CYFIP2: variants seen among roughly 807,000 people sequenced by gnomAD.
CYFIP2 encodes the protein cytoplasmic FMR1 interacting protein 2.
A neutral mutation model predicts 158.7 loss-of-function variants in CYFIP2; 29 were observed. That is an observed-to-expected ratio of 0.18 (90% CI 0.14 to 0.25). The LOEUF is 0.25. CYFIP2 is among the 10% of genes least tolerant of loss of function. CYFIP2 has a pLI of 1.00. For synonymous variants in CYFIP2, 585 were observed against 617.6 expected (o/e 0.95, Z 0.78); for missense variants, 852 against 1,639.5 (o/e 0.52, Z 8.29).
intron 28 of CYFIP2, among the ~76,000 whole-genome samples, 192 bp from the exon 29 acceptor site, chr5:157,388,997 A>T (rs1187275209): frequency 6.6e-6 from 1 of 152,240 alleles, no homozygotes; most frequent in Non-Finnish European, 1.5e-5. Flanking sequence ...ACTTAACACC[A>T]GTAAGACTTA....
intron 1 of CYFIP2, among the ~76,000 whole-genome samples, chr5:157,271,750 C>G (rs558213411): frequency 1.3e-5 from 2 of 152,196 alleles, no homozygotes; most frequent in Non-Finnish European, 2.9e-5. Context: ...TGTCTTCATA[C>G]TGAGCCATGT....
intron 1 of CYFIP2, among the ~76,000 whole-genome samples, chr5:157,270,091 G>A (rs1208116962): frequency 1.3e-5 from 2 of 152,146 alleles, no homozygotes; most frequent in Non-Finnish European, 2.9e-5. Flanking sequence ...ATAGACTTTG[G>A]GCAACTCAGA....
At chr5:157,274,093 G>A (rs915906901) in intron 1 of CYFIP2, among the ~76,000 whole-genome samples, 3 of 146,672 alleles carry the variant, frequency 2.0e-5, no homozygotes, top group African/African-American at 7.6e-5. Flanking sequence ...TCATGCCATT[G>A]CACTCCAGCC....
rs1375048757 is a variant in CYFIP2 at position 157,359,081 on chromosome 5, G to T, written c.2750G>T (p.Cys917Phe). The T allele has an allele frequency of 6.2e-7, 1 of 1,613,992 alleles. No individual in the cohort carries two copies. Among genetic ancestry groups the T allele is most frequent in the South Asian group, 1.1e-5 (1 of 91,074 alleles). ...FVGPPHFKTI[C>F]RLLGYQGIAV... ...GGGCCACCTCATTTCAAGACTATCT[G>T]CAGACTCCTGGGTTATCAGGGCATC... Residue 917 changes from cysteine to phenylalanine, a missense_variant, in exon 24 of 31, where the codon TGC becomes TTC. By Grantham distance (205) the Cys-to-Phe change is radical. Coordinates refer to ENST00000620254, the MANE Select transcript of CYFIP2 (RefSeq NM_001037333.3).
At chr5:157,283,016 A>G (rs10040318) in intron 1 of CYFIP2, among the ~76,000 whole-genome samples, 14,438 of 152,256 alleles carry the variant, frequency 0.095, 758 homozygotes, top group Middle Eastern at 0.15. Flanking sequence ...TTGGTATGAA[A>G]TAAACCTCCA....
intron 23 of CYFIP2, among the ~76,000 whole-genome samples, chr5:157,345,106 GT>G (rs1201208035): frequency 6.6e-6 from 1 of 152,198 alleles, no homozygotes; most frequent in Non-Finnish European, 1.5e-5. Flanking sequence ...GAGACCGAAT[GT>G]TTATGTTTCC....
rs1164383219 is a variant in CYFIP2, at chr5:157,361,616, A to G, written c.3039+18A>G. ...AAGCTCTGGTAAGTCCAGAGCCCAA[A>G]GGAAGTGGGGTGTCTCCAGGTTGGA... On this transcript the variant is annotated intron_variant, in intron 26 of 30. Transcript: ENST00000620254. This position sits in a 1 kb window ranked among gnomAD's most constrained non-coding sequence, Gnocchi z 4.4. The G allele has an allele frequency of 7.4e-6, 12 of 1,613,592 alleles. No individual in the cohort carries two copies. The highest frequency in any genetic ancestry group is 1.0e-5 in the Non-Finnish European group (12 of 1,179,706).
At chr5:157,282,211 G>C (rs1460692041) in intron 1 of CYFIP2, among the ~76,000 whole-genome samples, 4 of 152,216 alleles carry the variant, frequency 2.6e-5, no homozygotes, top group African/African-American at 7.2e-5. Context: ...TCAGCTTCTG[G>C]GGAGGCCACA....
chr5:157,279,532 G>C (rs982313899), intron 1 of CYFIP2, among the ~76,000 whole-genome samples: 8 of 152,174 alleles, frequency 5.3e-5, no homozygotes, highest in Non-Finnish European at 1.5e-5. Context: ...CTTGGGGTCT[G>C]TCAGTCATGT....
chr5:157,298,829 G>A (rs1274319476), intron 5 of CYFIP2, among the ~76,000 whole-genome samples: 1 of 152,120 alleles, frequency 6.6e-6, no homozygotes, highest in African/African-American at 2.4e-5. Context: ...GTGGTCTTTT[G>A]TGTCCATCTG....
At chr5:157,379,742 A>G (rs1261295893) in intron 26 of CYFIP2, among the ~76,000 whole-genome samples, 1 of 150,654 alleles carries the variant, frequency 6.6e-6, no homozygotes, top group East Asian at 2.0e-4. Context: ...TCAAATATTT[A>G]AGGAGGAAAT....
rs574540099 is a variant in CYFIP2 at position 157,309,982 on chromosome 5, G to A, written c.992+148G>A. The A allele has an allele frequency of 1.2e-4, 92 of 748,514 alleles. No individual in the cohort carries two copies. The East Asian group carries it at 2.2e-3, about 18-fold the overall frequency. The allele number at this position is 748,514 out of a possible 1,614,324, so 46.4% of individuals were successfully genotyped here. A position where few individuals can be genotyped will look rare whatever the true frequency, so the allele number is the denominator to read the frequency against. On this transcript the variant is annotated intron_variant, in intron 10 of 30. Transcript: ENST00000620254. ...CACAGGTGCCGGCCGGAGGGGAGCCGCGAGGGTGCTCTGAGCCCTTTTGTA... is the reference window on the plus strand; with the variant it reads ...CACAGGTGCCGGCCGGAGGGGAGCCACGAGGGTGCTCTGAGCCCTTTTGTA...
intron 20 of CYFIP2, among the ~76,000 whole-genome samples, chr5:157,331,689 C>G (rs1761474499): frequency 1.3e-5 from 2 of 152,036 alleles, no homozygotes; most frequent in African/African-American, 2.4e-5. Context: ...TTTCTTTCAC[C>G]CTTTCAGAAG....
chr5:157,359,565 TG>T (rs577036859), intron 24 of CYFIP2, among the ~76,000 whole-genome samples: 117 of 152,342 alleles, frequency 7.7e-4, no homozygotes, highest in African/African-American at 2.5e-3. Context: ...TCAGGCATCA[TG>T]CTTCTTTCCC....
At chr5:157,316,094 A>T (rs1330997224) in intron 13 of CYFIP2, among the ~76,000 whole-genome samples, 6 of 152,180 alleles carry the variant, frequency 3.9e-5, no homozygotes, top group Non-Finnish European at 8.8e-5. Flanking sequence ...TGTCTTAAAA[A>T]AAATAAATAA....
intron 26 of CYFIP2, among the ~76,000 whole-genome samples, chr5:157,378,855 A>G (rs968158233): frequency 6.6e-6 from 1 of 152,254 alleles, no homozygotes; most frequent in Non-Finnish European, 1.5e-5. Context: ...TCTTGGTTCT[A>G]GAGACTTGGA....
chr5:157,324,173 C>G lies in CYFIP2; in HGVS notation c.1825+99C>G, dbSNP rs757755687. The G allele has an allele frequency of 1.5e-5, 21 of 1,382,934 alleles. No individual in the cohort carries two copies. The South Asian group carries it at 2.9e-4, about 19-fold the overall frequency. 85.7% of individuals were successfully genotyped at this position (1,382,934 alleles called of 1,614,324 possible). A position where few individuals can be genotyped will look rare whatever the true frequency, so the allele number is the denominator to read the frequency against. ...GCCAGGCATTGCAAAGGGACGTGAC[C>G]GTTGACCCTAAGGGGCACATATCAC... On this transcript the variant is annotated intron_variant, in intron 16 of 30. Coordinates refer to ENST00000620254, the MANE Select transcript of CYFIP2 (RefSeq NM_001037333.3).
chr5:157,345,187 A>G lies in CYFIP2; in HGVS notation c.2673+4030A>G, dbSNP rs571290262. Among the ~76,000 whole-genome samples the G allele has an allele frequency of 2.0e-5, 3 of 152,334 alleles. No homozygotes were observed. The East Asian group carries it at 5.8e-4, about 29-fold the overall frequency. On this transcript the variant is annotated intron_variant, in intron 23 of 30. Coordinates refer to ENST00000620254, the MANE Select transcript of CYFIP2 (RefSeq NM_001037333.3). ...CACTATAAATACACTTTCGACCACG[A>G]TGAAAAGAGCTTAATTCATTATAGG... is the stretch of plus-strand genomic sequence containing the variant.
At position 157,361,365 on chromosome 5, in the gene CYFIP2, G is replaced by C; in HGVS notation, c.2909-103G>C. The C allele has an allele frequency of 6.6e-7, 1 of 1,504,324 alleles. No homozygotes were observed. Among genetic ancestry groups the C allele is most frequent in the Non-Finnish European group, 9.1e-7 (1 of 1,100,954 alleles). 93.2% of individuals were successfully genotyped at this position (1,504,324 alleles called of 1,614,324 possible). On this transcript the variant is annotated intron_variant, in intron 25 of 30. Coordinates refer to ENST00000620254, the MANE Select transcript of CYFIP2 (RefSeq NM_001037333.3). This position sits in a 1 kb window ranked among gnomAD's most constrained non-coding sequence, Gnocchi z 4.4. ...AGAGGGATGCGTGGTTTGGCTTTTT[G>C]CTATCCCAGAGTCAGGTCTGGGGCT...
Sources: gnomAD v4.1 joint callset for allele counts (sites outside exome capture counted in the v4.1 genomes callset) on GRCh38, gnomAD v4.1.1 for gene constraint, Gnocchi (gnomAD v3.1) non-coding constraint, MANE v1.5 for transcripts, NCBI Gene and HGNC (gene_info 2026-07-23, HGNC 2026-07-21) for gene names.